PTPRD: variants seen among roughly 807,000 people sequenced by gnomAD.
PTPRD encodes the protein protein tyrosine phosphatase receptor type D.
A neutral mutation model predicts 214.5 loss-of-function variants in PTPRD; 34 were observed. The observed-to-expected ratio is 0.16, with a 90% CI of 0.12 to 0.21. The LOEUF is 0.21. Ranked by LOEUF, PTPRD falls within the 10% of genes least tolerant of loss-of-function variation. The probability of loss-of-function intolerance (pLI) is 1.00; values close to 1 mark genes in which losing one functional copy is unlikely to be tolerated. For synonymous variants in PTPRD, 1,128 were observed against 845.7 expected (o/e 1.33, Z -5.79); for missense variants, 2,545 against 2,398.7 (o/e 1.06, Z -1.27).
At chr9:10,160,760 C>T (rs961571849) in intron 3 of PTPRD, among the ~76,000 whole-genome samples, 2 of 151,808 alleles carry the variant, frequency 1.3e-5, no homozygotes, top group Non-Finnish European at 2.9e-5. Context: ...AAAGGGCATC[C>T]AAATTGGGAA....
chr9:8,439,310 G>A (rs1364182614), intron 34 of PTPRD, among the ~76,000 whole-genome samples: 2 of 152,084 alleles, frequency 1.3e-5, no homozygotes, highest in African/African-American at 2.4e-5. Context: ...TAAGAGTATA[G>A]AACTAGATAA....
intron 8 of PTPRD, among the ~76,000 whole-genome samples, chr9:9,532,770 C>T (rs1353217865): frequency 6.6e-6 from 1 of 152,070 alleles, no homozygotes; most frequent in African/African-American, 2.4e-5. Context: ...TCTTCCATCC[C>T]AGAAGTACAC....
At chr9:10,005,896 TAATTA>T (rs1397874981) in intron 4 of PTPRD, among the ~76,000 whole-genome samples, 4 of 152,040 alleles carry the variant, frequency 2.6e-5, no homozygotes, top group African/African-American at 9.7e-5. Flanking sequence ...GGTAAATGCT[TAATTA>T]AATAATCAGT....
intron 21 of PTPRD, among the ~76,000 whole-genome samples, chr9:8,511,653 T>C (rs188573635): frequency 9.2e-5 from 14 of 152,176 alleles, no homozygotes; most frequent in African/African-American, 3.4e-4. Flanking sequence ...AGATATGATA[T>C]TGACCATAAA....
chr9:9,993,874 T>A (rs527782742), intron 4 of PTPRD, among the ~76,000 whole-genome samples: 45 of 152,330 alleles, frequency 3.0e-4, no homozygotes, highest in African/African-American at 1.1e-3. Context: ...TGAATCATGT[T>A]AACTGATCAT....
intron 8 of PTPRD, among the ~76,000 whole-genome samples, chr9:9,420,659 C>T (rs1358915505): frequency 6.6e-6 from 1 of 151,782 alleles, no homozygotes; most frequent in African/African-American, 2.4e-5. Context: ...CAACAAATAT[C>T]CATTGATGAC....
At chr9:8,984,937 T>A (rs10511517) in intron 11 of PTPRD, among the ~76,000 whole-genome samples, 10,698 of 152,116 alleles carry the variant, frequency 0.07, 717 homozygotes, top group East Asian at 0.25. Context: ...TACAATCTTA[T>A]TTGCTCAGGA....
intron 2 of PTPRD, among the ~76,000 whole-genome samples, chr9:10,583,686 G>C (rs1444068652): frequency 6.6e-6 from 1 of 151,798 alleles, no homozygotes; most frequent in African/African-American, 2.4e-5. Context: ...CACCATGTTA[G>C]TCAGGATGGT....
At chr9:9,764,431 C>A (rs1269841207) in intron 6 of PTPRD, among the ~76,000 whole-genome samples, 5 of 152,122 alleles carry the variant, frequency 3.3e-5, no homozygotes, top group African/African-American at 1.2e-4. Context: ...GTTGCCCCCA[C>A]TTCAAAGAAA....
At chr9:10,458,673 G>C (rs1380405201) in intron 2 of PTPRD, among the ~76,000 whole-genome samples, 7 of 151,984 alleles carry the variant, frequency 4.6e-5, no homozygotes, top group African/African-American at 1.7e-4. Flanking sequence ...ATTTAACACA[G>C]TACTGAAGTA....
rs114927216 is a variant in PTPRD at position 10,220,296 on chromosome 9, C to T, written c.-545+120667G>A. Among the ~76,000 whole-genome samples the T allele has an allele frequency of 5.9e-3, 903 of 151,914 alleles. 14 individuals are homozygous for T. Among genetic ancestry groups the T allele is most frequent in the African/African-American group, 0.021 (865 of 41,504 alleles). ...GTTGCAGGCACTATTATTAGTCTTA[C>T]TTATGTTAATTATACGAGCTTTCAC... is the stretch of plus-strand genomic sequence containing the variant. On this transcript the variant is annotated intron_variant, in intron 3 of 45. Coordinates refer to ENST00000381196, the MANE Select transcript of PTPRD (RefSeq NM_002839.4).
chr9:8,419,453 G>C (rs557856490), intron 35 of PTPRD, among the ~76,000 whole-genome samples: 29 of 151,280 alleles, frequency 1.9e-4, no homozygotes, highest in Non-Finnish European at 3.5e-4. Context: ...ACAATATAGC[G>C]AACAAAAAAC....
At chr9:10,069,429 G>A (rs2097950986) in intron 3 of PTPRD, among the ~76,000 whole-genome samples, 2 of 151,938 alleles carry the variant, frequency 1.3e-5, no homozygotes, top group Admixed American at 1.3e-4. Context: ...CTCCCTATTG[G>A]AGCTGGATTT....
intron 14 of PTPRD, among the ~76,000 whole-genome samples, chr9:8,590,701 A>C (rs928829986): frequency 1.3e-5 from 2 of 152,170 alleles, no homozygotes; most frequent in Non-Finnish European, 2.9e-5. Context: ...CAGGGGTCAC[A>C]AAGGCATATG....
intron 8 of PTPRD, among the ~76,000 whole-genome samples, chr9:9,469,423 C>A (rs192300582): frequency 6.6e-6 from 1 of 152,134 alleles, no homozygotes; most frequent in Non-Finnish European, 1.5e-5. Context: ...CTGGGTCTCA[C>A]ATGACCGATG....
At chr9:9,336,142 G>GA (rs2044372270) in intron 9 of PTPRD, among the ~76,000 whole-genome samples, 1 of 149,972 alleles carries the variant, frequency 6.7e-6, no homozygotes, top group African/African-American at 2.5e-5. Flanking sequence ...TATAAGCTTT[G>GA]TAACCGCCTC....
At chr9:9,997,960 C>G (rs1035002733) in intron 4 of PTPRD, among the ~76,000 whole-genome samples, 4 of 151,652 alleles carry the variant, frequency 2.6e-5, no homozygotes, top group Admixed American at 6.6e-5. Flanking sequence ...GAATGACACA[C>G]CTGGTGATAC....
chr9:9,971,809 CTTAAAT>C (rs1404947389), intron 4 of PTPRD, among the ~76,000 whole-genome samples: 1 of 151,888 alleles, frequency 6.6e-6, no homozygotes, highest in African/African-American at 2.4e-5. Context: ...TCTTTGTGTA[CTTAAAT>C]TTTAAACTGT....
intron 8 of PTPRD, among the ~76,000 whole-genome samples, chr9:9,514,458 A>G (rs2096786239): frequency 6.6e-6 from 1 of 152,210 alleles, no homozygotes; most frequent in South Asian, 2.1e-4. Context: ...AATTCCACAC[A>G]CTGTAATTAC....
Sources: allele counts gnomAD v4.1 joint callset (sites outside exome capture counted in the v4.1 genomes callset), GRCh38; gene constraint gnomAD v4.1.1; transcripts MANE v1.5; gene names NCBI Gene and HGNC (gene_info 2026-07-23, HGNC 2026-07-21).